The following CSMD3 variants were observed in gnomAD, a reference collection of about 807,000 sequenced individuals.
CSMD3 encodes CUB and sushi domain-containing protein 3.
CSMD3 carries 177 observed loss-of-function variants against 435.2 expected under a neutral mutation model. That is an observed-to-expected ratio of 0.41 (90% CI 0.36 to 0.46). CSMD3 has a LOEUF of 0.46. CSMD3 is among the 20% of genes least tolerant of loss of function. The pLI is 0.34. For synonymous variants in CSMD3, 1,656 were observed against 1,520.5 expected, an observed-to-expected ratio of 1.09 and a Z score of -2.07; for missense variants, 4,265 against 4,504.6, an observed-to-expected ratio of 0.95 and a Z score of 1.52.
At chr8:112,735,434 C>A (rs1294090382) in intron 13 of CSMD3, among the ~76,000 whole-genome samples, 1 of 151,984 alleles carries the variant, frequency 6.6e-6, no homozygotes, top group African/African-American at 2.4e-5. Flanking sequence ...TCAGAGGTTA[C>A]CACATAAGTG....
intron 4 of CSMD3, among the ~76,000 whole-genome samples, chr8:113,150,530 C>T (rs535581798): frequency 6.6e-6 from 1 of 152,068 alleles, no homozygotes; most frequent in East Asian, 1.9e-4. Context: ...ACCATTCAGC[C>T]TGGTGGAGAC....
chr8:113,345,512 G>A (rs1419592331), intron 1 of CSMD3, among the ~76,000 whole-genome samples: 1 of 152,074 alleles, frequency 6.6e-6, no homozygotes, highest in Non-Finnish European at 1.5e-5. Flanking sequence ...TTTAGCAGAA[G>A]TTCTGATATT....
chr8:112,354,696 T>C (rs895399652), intron 38 of CSMD3, among the ~76,000 whole-genome samples: 2 of 152,140 alleles, frequency 1.3e-5, no homozygotes, highest in African/African-American at 2.4e-5. Flanking sequence ...AAAGAAATCA[T>C]AGATGACAAA....
intron 32 of CSMD3, among the ~76,000 whole-genome samples, chr8:112,410,714 A>T (rs10955622): frequency 2.9e-4 from 31 of 106,372 alleles, no homozygotes; most frequent in African/African-American, 1.0e-3. Context: ...ATATATATAT[A>T]TGTATATATA....
intron 1 of CSMD3, among the ~76,000 whole-genome samples, chr8:113,414,958 T>C (rs777425946): frequency 9.2e-5 from 14 of 151,970 alleles, no homozygotes; most frequent in Non-Finnish European, 1.5e-4. Flanking sequence ...AGAGGCAGTA[T>C]GTAAAAAAAC....
chr8:113,059,765 CAG>C (rs2088522125), intron 5 of CSMD3, among the ~76,000 whole-genome samples: 1 of 152,010 alleles, frequency 6.6e-6, no homozygotes, highest in African/African-American at 2.4e-5. Context: ...GAAAGGAAGA[CAG>C]AGATTTAGAG....
chr8:112,770,532 G>A (rs1057333773), intron 13 of CSMD3, among the ~76,000 whole-genome samples: 27 of 151,998 alleles, frequency 1.8e-4, no homozygotes, highest in African/African-American at 6.5e-4. Flanking sequence ...TGTTACAACA[G>A]TACAGAACGG....
In CSMD3 at chr8:112,295,949, T is replaced by C. The variant is rs377184248; in HGVS notation, c.8498A>G (p.Tyr2833Cys). The change falls in exon 54 of 71, where the codon TAT (tyrosine) becomes TGT (cysteine). Residue 2833 changes from tyrosine to cysteine, a missense_variant. Transcript: ENST00000297405. Reference sequence around the variant, plus strand: ...ATATACAACTGTGTCTCTATATCCATAATTTTCTCCAATGACTTGACCATT... The same window carrying C: ...ATATACAACTGTGTCTCTATATCCACAATTTTCTCCAATGACTTGACCATT... Reference protein sequence around the residue: ...IVNGQVIGENYGYRDTVVYQC... With the variant: ...IVNGQVIGENCGYRDTVVYQC... 1 of 1,613,660 alleles carries C rather than the reference T, an allele frequency of 6.2e-7. No homozygotes were observed. The highest frequency in any genetic ancestry group is 1.3e-5 in the African/African-American group (1 of 74,916).
intron 5 of CSMD3, among the ~76,000 whole-genome samples, chr8:113,075,466 T>A (rs1299305924): frequency 1.3e-5 from 2 of 151,952 alleles, no homozygotes; most frequent in East Asian, 3.9e-4. Context: ...ACATTACCTA[T>A]ACTTTCAACA....
intron 60 of CSMD3, among the ~76,000 whole-genome samples, chr8:112,264,856 T>A (rs1216042702): frequency 6.6e-6 from 1 of 152,070 alleles, no homozygotes; most frequent in Non-Finnish European, 1.5e-5. Flanking sequence ...GGCCAAAAAA[T>A]TTATAAAAAT....
At chr8:112,744,590 A>G (rs1325546263) in intron 13 of CSMD3, among the ~76,000 whole-genome samples, 1 of 152,010 alleles carries the variant, frequency 6.6e-6, no homozygotes. Context: ...AAAGGGAGAA[A>G]ACAACTCTGT....
At chr8:112,547,742 G>T (rs1827311357) in intron 27 of CSMD3, among the ~76,000 whole-genome samples, 1 of 152,062 alleles carries the variant, frequency 6.6e-6, no homozygotes, top group Non-Finnish European at 1.5e-5. Flanking sequence ...CATGGGAGCA[G>T]AACTAACACT....
intron 16 of CSMD3, among the ~76,000 whole-genome samples, chr8:112,668,025 A>T (rs2075566128): frequency 1.3e-5 from 2 of 152,176 alleles, no homozygotes; most frequent in Non-Finnish European, 2.9e-5. Flanking sequence ...GGAATTAAAC[A>T]TTACTGTAAA....
At chr8:113,288,242 G>A (rs1164519053) in intron 2 of CSMD3, among the ~76,000 whole-genome samples, 1 of 151,668 alleles carries the variant, frequency 6.6e-6, no homozygotes, top group Admixed American at 6.6e-5. Flanking sequence ...ATTTAAAGTA[G>A]AAAAATATAA....
intron 3 of CSMD3, among the ~76,000 whole-genome samples, chr8:113,246,213 T>C (rs1187593294): frequency 2.6e-5 from 4 of 152,006 alleles, no homozygotes; most frequent in African/African-American, 7.2e-5. Flanking sequence ...TTATGGTCCA[T>C]GTTAATACAC....
At chr8:112,407,474 T>C (rs1362058572) in intron 34 of CSMD3, among the ~76,000 whole-genome samples, 3 of 152,030 alleles carry the variant, frequency 2.0e-5, no homozygotes, top group Non-Finnish European at 4.4e-5. Context: ...CAAAAAATGA[T>C]ATGATGAATT....
chr8:112,612,007 G>A (rs762206890), intron 22 of CSMD3, among the ~76,000 whole-genome samples: 3 of 152,088 alleles, frequency 2.0e-5, no homozygotes, highest in Non-Finnish European at 2.9e-5. Flanking sequence ...TTTGTGATGC[G>A]CTAAGTGCCA....
At chr8:113,419,128 T>TG (rs2094597353) in intron 1 of CSMD3, among the ~76,000 whole-genome samples, 3 of 150,176 alleles carry the variant, frequency 2.0e-5, no homozygotes, top group South Asian at 2.1e-4. Context: ...TTGGTTTGTT[T>TG]TTTTTTTTTT....
intron 22 of CSMD3, among the ~76,000 whole-genome samples, chr8:112,626,851 T>C (rs1249777497): frequency 3.9e-5 from 6 of 152,174 alleles, no homozygotes; most frequent in Non-Finnish European, 7.4e-5. Context: ...ACTTATTTAA[T>C]GTTTTAATTC....
Sources: gnomAD v4.1 joint callset for allele counts (sites outside exome capture counted in the v4.1 genomes callset) on GRCh38, gnomAD v4.1.1 for gene constraint, MANE v1.5 for transcripts, NCBI Gene and HGNC (gene_info 2026-07-23, HGNC 2026-07-21) for gene names.